AP3B2: variants seen among roughly 807,000 people sequenced by gnomAD.
AP3B2 encodes the protein AP-3 complex subunit beta-2.
A neutral mutation model predicts 126.9 loss-of-function variants in AP3B2; 50 were observed. That is an observed-to-expected ratio of 0.39 (90% CI 0.31 to 0.50). The LOEUF (loss-of-function observed/expected upper bound fraction) is 0.50. Among genes scored for constraint, AP3B2 ranks in the 20% least tolerant of loss-of-function variants. The pLI is 0.79. For synonymous variants in AP3B2, 541 were observed against 565.0 expected, an observed-to-expected ratio of 0.96 and a Z score of 0.60; for missense variants, 1,177 against 1,426.4, an observed-to-expected ratio of 0.83 and a Z score of 2.82.
At chr15:82,674,310 C>T (rs1025749854) in intron 14 of AP3B2, among the ~76,000 whole-genome samples, 2 of 152,198 alleles carry the variant, frequency 1.3e-5, no homozygotes, top group Non-Finnish European at 2.9e-5. Flanking sequence ...ACTCCCCCTT[C>T]TTTACCACTC....
At chr15:82,689,046 T>C (rs1292008212) in intron 3 of AP3B2, 112 bp downstream of exon 3, 1 of 1,266,268 alleles carries the variant, frequency 7.9e-7, no homozygotes, top group Non-Finnish European at 1.1e-6. Context: ...CTCAGAGACA[T>C]TTCTCAGCAG....
rs2048543892 is a variant in AP3B2 at position 82,692,050 on chromosome 15, C to A, written c.114-2597G>T. On this transcript the variant is annotated intron_variant, in intron 1 of 26. Transcript: ENST00000535359. ...CTGAGGAAGTCCTGAAACAAGAACTCGGAAATCAGATCTTCTTGCAGAAGG... is the reference window on the plus strand; with the variant it reads ...CTGAGGAAGTCCTGAAACAAGAACTAGGAAATCAGATCTTCTTGCAGAAGG... The A allele has an allele frequency of 8.1e-6, 12 of 1,483,880 alleles. No individual in the cohort carries two copies. The South Asian group carries it at 1.2e-4, about 14-fold the overall frequency. The allele number at this position is 1,483,880 out of a possible 1,614,324, so 91.9% of individuals were successfully genotyped here. A position where few individuals can be genotyped will look rare whatever the true frequency, so the allele number is the denominator to read the frequency against.
intron 20 of AP3B2, 65 bp downstream of exon 20, chr15:82,663,736 T>G: frequency 6.3e-7 from 1 of 1,597,542 alleles, no homozygotes; most frequent in Non-Finnish European, 8.5e-7. Flanking sequence ...TGTCTGGGCC[T>G]GGCCCAGAGG....
At chr15:82,695,651 T>C (rs2048619406) in intron 1 of AP3B2, among the ~76,000 whole-genome samples, 1 of 152,144 alleles carries the variant, frequency 6.6e-6, no homozygotes, top group African/African-American at 2.4e-5. Flanking sequence ...CATCTGGTGT[T>C]TGTCTCTACC....
intron 11 of AP3B2, 76 bp downstream of exon 11, chr15:82,678,029 G>A (rs2048273239): frequency 3.9e-6 from 6 of 1,524,970 alleles, no homozygotes; most frequent in Non-Finnish European, 5.4e-6. Context: ...GCTCATAAGA[G>A]GAGGTTTACC....
Position 82,665,455 on chromosome 15 carries a change from A to T in AP3B2, c.1971+2T>A. The T allele has an allele frequency of 1.2e-6, 2 of 1,602,332 alleles. No homozygotes were observed. Among genetic ancestry groups the T allele is most frequent in the Non-Finnish European group, 1.7e-6 (2 of 1,174,086 alleles). ...CACACTTCAACCCTCCACCCCGCTG[A>T]CCTCCACGTTGCGCACAGATGGGTC... On this transcript the variant is annotated splice_donor_variant, in intron 16 of 26. Coordinates refer to ENST00000535359, the MANE Select transcript of AP3B2 (RefSeq NM_001278512.2). LOFTEE classifies it high-confidence loss of function. This position sits in a 1 kb window ranked among gnomAD's most constrained non-coding sequence, Gnocchi z 4.4.
intron 1 of AP3B2, 38 bp from the exon 2 acceptor site, chr15:82,689,491 G>T: frequency 6.3e-7 from 1 of 1,592,264 alleles, no homozygotes; most frequent in Non-Finnish European, 8.6e-7. Context: ...AGGGCACAAG[G>T]GTGGGGATGG....
In AP3B2 at chr15:82,681,534, C is replaced by T; in HGVS notation, c.407G>A (p.Ser136Asn). ...IRASALRVLS[S>N]IRVPIIVPIM... ...GGGCACTATGATGGGCACACGGATG[C>T]TAGAGAGGACACGGAGGGCACTGGC... Residue 136 changes from serine (S) to asparagine (N), a missense_variant, in exon 5 of 27, where the codon AGC becomes AAC. This residue lies in a region of AP3B2 where 130 missense variants were observed against 262.0 expected (regional missense o/e 0.50). Coordinates refer to ENST00000535359, the MANE Select transcript of AP3B2 (RefSeq NM_001278512.2). This position sits in a 1 kb window ranked among gnomAD's most constrained non-coding sequence, Gnocchi z 4.0. 6.2e-7 allele frequency: 1 copy of T among 1,613,862 alleles called. No homozygotes were observed. The highest frequency in any genetic ancestry group is 8.5e-7 in the Non-Finnish European group (1 of 1,179,848).
chr15:82,684,012 G>A (rs1474157464), intron 4 of AP3B2, among the ~76,000 whole-genome samples: 1 of 152,184 alleles, frequency 6.6e-6, no homozygotes, highest in Non-Finnish European at 1.5e-5. Flanking sequence ...TGGCACTGTT[G>A]TTCCATTTAT....
intron 24 of AP3B2, 111 bp from the exon 25 acceptor site, chr15:82,662,033 T>C: frequency 1.5e-6 from 2 of 1,305,474 alleles, no homozygotes; most frequent in Admixed American, 4.0e-5. Context: ...AGGTCAGGAA[T>C]GAGGGCCTGA....
chr15:82,665,684 G>T lies in AP3B2; in HGVS notation c.1853-109C>A. ...ATTCTGGTTGGGACTTCCCAGGTGG[G>T]TAGGGGAAGGAGATGGATGTGTGCC... On this transcript the variant is annotated intron_variant, in intron 15 of 26. Coordinates refer to ENST00000535359, the MANE Select transcript of AP3B2 (RefSeq NM_001278512.2). The surrounding 1 kb of genome is among the most constrained non-coding windows in gnomAD (Gnocchi z 4.4). 3.7e-6 allele frequency: 3 copies of T among 800,004 alleles called. No homozygotes were observed. The highest frequency in any genetic ancestry group is 2.3e-4 in the Middle Eastern group (1 of 4,256). 49.6% of individuals were successfully genotyped at this position (800,004 alleles called of 1,614,324 possible).
chr15:82,659,858 A>T lies in AP3B2; in HGVS notation c.3142T>A (p.Ser1048Thr). The T allele has an allele frequency of 6.2e-7, 1 of 1,613,934 alleles. No homozygotes were observed. The highest frequency in any genetic ancestry group is 8.5e-7 in the Non-Finnish European group (1 of 1,179,850). ...ANLGRVPCGT[S>T]DEYRFAGRTL... ...GTGGCCTAGTACCTGTACTCATCAG[A>T]TGTCCCACAAGGAACACGACCCAGG... Residue 1048 changes from serine to threonine, a missense_variant, in exon 26 of 27, where the codon TCT (serine) becomes ACT (threonine). By Grantham distance (58) the Ser-to-Thr change is moderately conservative. Coordinates refer to ENST00000535359, the MANE Select transcript of AP3B2 (RefSeq NM_001278512.2).
intron 1 of AP3B2, among the ~76,000 whole-genome samples, chr15:82,704,190 C>G (rs1405543841): frequency 6.6e-6 from 1 of 152,124 alleles, no homozygotes; most frequent in Non-Finnish European, 1.5e-5. Flanking sequence ...TGGGCAGCAA[C>G]CCTGAGACGC....
At chr15:82,705,524 T>G (rs974949825) in intron 1 of AP3B2, among the ~76,000 whole-genome samples, 15 of 152,170 alleles carry the variant, frequency 9.9e-5, no homozygotes, top group Admixed American at 9.2e-4. Flanking sequence ...TCTTTACTAT[T>G]CATTTGCACC....
At position 82,680,220 on chromosome 15, in the gene AP3B2, C is replaced by T. The variant is rs372504799; in HGVS notation, c.1065G>A (p.Gln355=). The T allele has an allele frequency of 1.2e-5, 19 of 1,613,632 alleles. No individual in the cohort carries two copies. Among genetic ancestry groups the T allele is most frequent in the Non-Finnish European group, 1.6e-5 (19 of 1,179,802 alleles). Residue 355 remains glutamine, a synonymous_variant, in exon 9 of 27, where the codon CAG becomes CAA. Transcript: ENST00000535359. The surrounding 1 kb of genome is among the most constrained non-coding windows in gnomAD (Gnocchi z 6.1). ...TGGCCACGTTCTGGAGCACAACGTACTGCACCTCACTGCGGAGAGGACGGG... is the reference window on the plus strand; with the variant it reads ...TGGCCACGTTCTGGAGCACAACGTATTGCACCTCACTGCGGAGAGGACGGG... The part of the protein sequence containing the change: ...VRLLRSHSEV[Q]YVVLQNVATM...
chr15:82,666,062 C>G (rs2048052003), intron 15 of AP3B2, among the ~76,000 whole-genome samples: 2 of 152,204 alleles, frequency 1.3e-5, no homozygotes, highest in South Asian at 4.1e-4. Flanking sequence ...TGCCCACCCT[C>G]AGAATCTCCC....
chr15:82,701,910 T>C (rs970128339), intron 1 of AP3B2, among the ~76,000 whole-genome samples: 1 of 152,198 alleles, frequency 6.6e-6, no homozygotes, highest in Non-Finnish European at 1.5e-5. Context: ...CCAATGGTCA[T>C]GATTTTTTTC....
rs1381755681 is a variant in AP3B2, at chr15:82,679,775, C to A, written c.1136G>T (p.Ser379Ile). 6.2e-7 allele frequency: 1 copy of A among 1,613,786 alleles called. No individual in the cohort carries two copies. Among genetic ancestry groups the A allele is most frequent in the East Asian group, 2.2e-5 (1 of 44,864 alleles). ...GGGGTCGGTGGACCTGATGTAGAAG[C>A]TCTTCAGGTAGGGCTCAAACATACC... Reference protein sequence around the residue: ...RRGMFEPYLKSFYIRSTDPTQ... With the variant: ...RRGMFEPYLKIFYIRSTDPTQ... Residue 379 changes from serine to isoleucine, a missense_variant, in exon 10 of 27, where the codon AGC (serine) becomes ATC (isoleucine). Coordinates refer to ENST00000535359, the MANE Select transcript of AP3B2 (RefSeq NM_001278512.2).
Position 82,709,774 on chromosome 15 carries a change from G to C in AP3B2, c.-68C>G. 1.5e-6 allele frequency: 2 copies of C among 1,312,344 alleles called. No individual in the cohort carries two copies. The highest frequency in any genetic ancestry group is 1.5e-5 in the African/African-American group (1 of 65,088). The allele number at this position is 1,312,344 out of a possible 1,614,324, so 81.3% of individuals were successfully genotyped here. On this transcript the variant is annotated 5_prime_UTR_variant, in exon 1 of 27. Transcript: ENST00000535359. ...CGGAGGCCGGCTGGAGCGGAGGAAG[G>C]GAAGGCGGGCCGGTCCGGTCCGGGC...
Sources: allele counts gnomAD v4.1 joint callset (sites outside exome capture counted in the v4.1 genomes callset), GRCh38; gene constraint gnomAD v4.1.1; regional missense constraint gnomAD v4.1.1; non-coding constraint Gnocchi (gnomAD v3.1); transcripts MANE v1.5; gene names NCBI Gene and HGNC (gene_info 2026-07-23, HGNC 2026-07-21).